ZNF565: variants seen among roughly 807,000 people sequenced by gnomAD.
ZNF565 encodes the protein zinc finger protein 565.
In ZNF565, 27 loss-of-function variants were observed where a neutral mutation model predicts 39.4. That is an observed-to-expected ratio of 0.69 (90% confidence interval 0.51 to 0.95). ZNF565 has a LOEUF of 0.95. Ranked by LOEUF, ZNF565 falls within the 40% of genes least tolerant of loss-of-function variation. The probability of loss-of-function intolerance (pLI) is 0.00; values close to 1 mark genes in which losing one functional copy is unlikely to be tolerated. For synonymous variants in ZNF565, 185 were observed against 216.6 expected (o/e 0.85, Z 1.28); for missense variants, 524 against 621.1 (o/e 0.84, Z 1.66).
chr19:36,209,391 A>T (rs1233231964), intron 1 of ZNF565, among the ~76,000 whole-genome samples: 1 of 152,132 alleles, frequency 6.6e-6, no homozygotes, highest in Non-Finnish European at 1.5e-5. Context: ...GCTACTCAGG[A>T]GGCTGACGTG....
At chr19:36,224,421 G>A (rs1159594521) in intron 1 of ZNF565, among the ~76,000 whole-genome samples, 1 of 152,144 alleles carries the variant, frequency 6.6e-6, no homozygotes, top group Non-Finnish European at 1.5e-5. Context: ...ACTATTTTTA[G>A]GATGCCACTT....
intron 1 of ZNF565, among the ~76,000 whole-genome samples, chr19:36,204,335 G>A (rs1333955240): frequency 6.6e-6 from 1 of 152,170 alleles, no homozygotes; most frequent in African/African-American, 2.4e-5. Context: ...TGAAACCTCA[G>A]GGAAGTTTAA....
chr19:36,196,461 G>A lies in ZNF565; in HGVS notation c.10-1305C>T, dbSNP rs371742504. ...ATCTACAGCTGCAGGCCTGTGGCAT[G>A]AAGGAAGTATAATAAGCACAGTTAT... On this transcript the variant is annotated intron_variant, in intron 2 of 4. Transcript: ENST00000304116. 5.9e-5 allele frequency among the ~76,000 whole-genome samples: 9 copies of A among 152,190 alleles called. No homozygotes were observed. In the East Asian group the frequency reaches 7.7e-4, roughly 13 times the overall value.
rs149481157 is a variant in ZNF565 at position 36,199,315 on chromosome 19, C to T, written c.9+2662G>A. On this transcript the variant is annotated intron_variant, in intron 2 of 4. Transcript: ENST00000304116. ...CTTGCAAGACTGAAGAGTGTTCCGT[C>T]ACTGAAGTTCCCAATCACAGCCCCC... is the stretch of plus-strand genomic sequence containing the variant. 1.5e-3 allele frequency among the ~76,000 whole-genome samples: 229 copies of T among 152,152 alleles called. 1 individual carries two copies. The highest frequency in any genetic ancestry group is 6.0e-3 in the East Asian group (31 of 5,170).
chr19:36,192,143 C>G (rs1173422229), intron 4 of ZNF565, among the ~76,000 whole-genome samples: 1 of 151,924 alleles, frequency 6.6e-6, no homozygotes, highest in Non-Finnish European at 1.5e-5. Flanking sequence ...CACCCGCCAC[C>G]ACGCCCAGCT....
In ZNF565 at chr19:36,194,248, C is replaced by T. The variant is rs766949865; in HGVS notation, c.217G>A (p.Gly73Arg). ...CCTCGCTTACCTGGGCACCATGGTC[C>T]TGTCACATCATTTGCAATCATCCAG... Reference protein sequence around the residue: ...EPWMIANDVTGPWCPDLESRC... With the variant: ...EPWMIANDVTRPWCPDLESRC... The change falls in exon 4 of 5, where the codon GGA (glycine) becomes AGA (arginine). Residue 73 changes from glycine to arginine, a missense_variant. Coordinates refer to ENST00000304116, the MANE Select transcript of ZNF565 (RefSeq NM_152477.5). 3.1e-6 allele frequency: 5 copies of T among 1,612,350 alleles called. No individual in the cohort carries two copies. Among genetic ancestry groups the T allele is most frequent in the Middle Eastern group, 3.3e-4 (2 of 6,056 alleles).
At chr19:36,212,145 AG>A (rs1264592293) in intron 1 of ZNF565, among the ~76,000 whole-genome samples, 3 of 152,214 alleles carry the variant, frequency 2.0e-5, no homozygotes, top group Non-Finnish European at 4.4e-5. Flanking sequence ...TCGCTTTCGG[AG>A]TATTCTTGCC....
At chr19:36,219,925 CT>C (rs989535564) in intron 1 of ZNF565, among the ~76,000 whole-genome samples, 5 of 152,068 alleles carry the variant, frequency 3.3e-5, no homozygotes, top group African/African-American at 4.8e-5. Context: ...CAAATTGTAT[CT>C]TTTTTTCCCC....
chr19:36,202,888 A>G (rs1421606327), intron 1 of ZNF565, among the ~76,000 whole-genome samples: 1 of 152,154 alleles, frequency 6.6e-6, no homozygotes, highest in Non-Finnish European at 1.5e-5. Context: ...TACTCACCAG[A>G]CAGGAGCAAG....
chr19:36,212,416 A>C (rs796210453), intron 1 of ZNF565, among the ~76,000 whole-genome samples: 1 of 152,130 alleles, frequency 6.6e-6, no homozygotes, highest in Non-Finnish European at 1.5e-5. Flanking sequence ...GTTCGAGACC[A>C]GTCTGGCCAA....
upstream of ZNF565, among the ~76,000 whole-genome samples, chr19:36,218,514 G>T (rs992836136): frequency 1.6e-4 from 25 of 151,644 alleles, no homozygotes; most frequent in Admixed American, 1.5e-3. Flanking sequence ...CGCCCAGGCT[G>T]CAGTGCAGTG....
chr19:36,241,543 A>G (rs939671642), intron 1 of ZNF565, among the ~76,000 whole-genome samples: 1 of 151,634 alleles, frequency 6.6e-6, no homozygotes, highest in South Asian at 2.1e-4. Context: ...CTGTAATCCC[A>G]GCACTTTGTG....
At chr19:36,193,485 G>A (rs948077604) in intron 4 of ZNF565, among the ~76,000 whole-genome samples, 1 of 143,334 alleles carries the variant, frequency 7.0e-6, no homozygotes, top group Non-Finnish European at 1.5e-5. Flanking sequence ...CTGTTGCCCA[G>A]GCTGGAGTGC....
chr19:36,245,393 C>T lies in ZNF565; in HGVS notation c.55+83G>A, dbSNP rs1015921266. On this transcript the variant is annotated intron_variant, in intron 1 of 4. Coordinates refer to the ZNF565 transcript ENST00000355114. This position sits in a 1 kb window ranked among gnomAD's most constrained non-coding sequence, Gnocchi z 4.4. ...CTCGAAGGGAGGACAGTCACTGCGACCCGGAAAGCTCCGCGCTTACGACGC... is the reference window on the plus strand; with the variant it reads ...CTCGAAGGGAGGACAGTCACTGCGATCCGGAAAGCTCCGCGCTTACGACGC... The T allele has an allele frequency of 1.3e-5, 9 of 698,354 alleles. No homozygotes were observed. The highest frequency in any genetic ancestry group is 2.4e-4 in the Middle Eastern group (1 of 4,246). 43.3% of individuals were successfully genotyped at this position (698,354 alleles called of 1,614,324 possible).
chr19:36,206,837 CAAT>C (rs1227069002), intron 1 of ZNF565, among the ~76,000 whole-genome samples: 2 of 151,892 alleles, frequency 1.3e-5, no homozygotes, highest in Non-Finnish European at 2.9e-5. Flanking sequence ...CAAACAACAA[CAAT>C]AACAACATAT....
At chr19:36,209,992 GT>G (rs1007601954) in intron 1 of ZNF565, among the ~76,000 whole-genome samples, 7 of 152,022 alleles carry the variant, frequency 4.6e-5, no homozygotes, top group Non-Finnish European at 1.0e-4. Context: ...GCAAGACATG[GT>G]GGTTCACATC....
upstream of ZNF565, among the ~76,000 whole-genome samples, chr19:36,215,943 C>A (rs1184503247): frequency 6.6e-6 from 1 of 152,076 alleles, no homozygotes; most frequent in Non-Finnish European, 1.5e-5. Context: ...TGTCTTAATT[C>A]CTTAATGAGT....
intron 3 of ZNF565, chr19:36,194,714 G>GT (rs1975693980): frequency 4.0e-6 from 2 of 495,934 alleles, no homozygotes; most frequent in African/African-American, 3.9e-5. Flanking sequence ...ACAGCTCACC[G>GT]TAAGGACTGC....
intron 1 of ZNF565, among the ~76,000 whole-genome samples, chr19:36,202,709 A>G (rs936977981): frequency 6.6e-5 from 10 of 152,172 alleles, no homozygotes; most frequent in Admixed American, 3.9e-4. Flanking sequence ...CCATCTATGC[A>G]GGCCAAATCT....
Sources: gnomAD v4.1 joint callset for allele counts (sites outside exome capture counted in the v4.1 genomes callset) on GRCh38, gnomAD v4.1.1 for gene constraint, Gnocchi (gnomAD v3.1) non-coding constraint, MANE v1.5 for transcripts, NCBI Gene and HGNC (gene_info 2026-07-23, HGNC 2026-07-21) for gene names.